KANSL1: variants seen among roughly 807,000 people sequenced by gnomAD.
The protein encoded by KANSL1 is MLL1/MLL complex subunit KANSL1.
A neutral mutation model predicts 103.6 loss-of-function variants in KANSL1; 22 were observed. That is an observed-to-expected ratio of 0.21 (90% CI 0.15 to 0.30). The LOEUF (loss-of-function observed/expected upper bound fraction) is 0.30. Ranked by LOEUF, KANSL1 falls within the 10% of genes least tolerant of loss-of-function variation. The probability of loss-of-function intolerance (pLI) is 1.00; values close to 1 mark genes in which losing one functional copy is unlikely to be tolerated. For missense variants in KANSL1, 1,337 were observed against 1,399.8 expected (o/e 0.96, Z 0.72); for synonymous variants, 600 against 527.6 (o/e 1.14, Z -1.88).
At chr17:46,122,565 C>T (rs2043328284) in intron 2 of KANSL1, among the ~76,000 whole-genome samples, 1 of 152,116 alleles carries the variant, frequency 6.6e-6, no homozygotes, top group South Asian at 2.1e-4. Context: ...GTAATCTAAC[C>T]TCATCAAGCA....
chr17:46,138,520 T>A (rs1484217142), intron 2 of KANSL1, among the ~76,000 whole-genome samples: 3 of 152,334 alleles, frequency 2.0e-5, no homozygotes, highest in South Asian at 2.1e-4. Context: ...ACTGTCAGAT[T>A]TGGTATCCAC....
chr17:46,071,189 C>A (rs180717057), intron 4 of KANSL1, among the ~76,000 whole-genome samples: 13 of 152,172 alleles, frequency 8.5e-5, no homozygotes, highest in Admixed American at 4.6e-4. Flanking sequence ...AAATTGAAGT[C>A]AACAGGCAAC....
intron 1 of KANSL1, among the ~76,000 whole-genome samples, chr17:46,189,376 A>T (rs2047198900): frequency 1.3e-5 from 2 of 152,270 alleles, no homozygotes; most frequent in South Asian, 4.1e-4. Flanking sequence ...GGGGGTGGAG[A>T]GGGACAATAA....
intron 2 of KANSL1, among the ~76,000 whole-genome samples, chr17:46,149,286 C>G (rs1272233001): frequency 6.6e-6 from 1 of 152,248 alleles, no homozygotes; most frequent in Non-Finnish European, 1.5e-5. Context: ...CAGGCGTAAG[C>G]CACTGCGCCC....
At chr17:46,037,714 G>GT (rs1453193848) in intron 10 of KANSL1, 8 of 152,220 alleles carry the variant, frequency 5.3e-5, no homozygotes, top group Non-Finnish European at 7.3e-5. Flanking sequence ...CTGGTATGTA[G>GT]TAAGTGTTCA....
chr17:46,203,793 G>GA (rs148606226), intron 1 of KANSL1, among the ~76,000 whole-genome samples: 17,181 of 150,120 alleles, frequency 0.11, no homozygotes, highest in Non-Finnish European at 0.17. Context: ...AAAACTAGGA[G>GA]AAAAAATCCA....
chr17:46,167,814 A>G (rs1352208332), intron 2 of KANSL1, among the ~76,000 whole-genome samples: 1 of 152,286 alleles, frequency 6.6e-6, no homozygotes, highest in Non-Finnish European at 1.5e-5. Context: ...AGCATGTACC[A>G]ACGACACAGA....
rs779421348 is a variant in KANSL1, at chr17:46,171,299, G to C, written c.845C>G (p.Thr282Arg). Residue 282 changes from threonine to arginine, a missense_variant, in exon 2 of 15, where the codon ACA (threonine) becomes AGA (arginine). Transcript: ENST00000432791. ...TCGCCGCAGTAAAGCTGTTATCCTT[G>C]TGTCAGAATCTAAAGCACTGAAAAG... ...SILFSALDSDTRITALLRRQA... is the reference protein window; with the variant it reads ...SILFSALDSDRRITALLRRQA... 3 of 1,614,146 alleles carry C rather than the reference G, an allele frequency of 1.9e-6. No individual in the cohort carries two copies. The highest frequency in any genetic ancestry group is 2.5e-6 in the Non-Finnish European group (3 of 1,180,046).
At position 46,030,032 on chromosome 17, in the gene KANSL1, A is replaced by G. The variant is rs1280305941; in HGVS notation, c.*1444T>C. 1 of 152,500 alleles carries G rather than the reference A, an allele frequency of 6.6e-6. No individual in the cohort carries two copies. Among genetic ancestry groups the G allele is most frequent in the Non-Finnish European group, 1.5e-5 (1 of 68,016 alleles). 9.4% of individuals were successfully genotyped at this position (152,500 alleles called of 1,614,324 possible). A position where few individuals can be genotyped will look rare whatever the true frequency, so the allele number is the denominator to read the frequency against. On this transcript the variant is annotated 3_prime_UTR_variant, in exon 15 of 15. Transcript: ENST00000432791. ...AACAAAGATCAGCTTCTCTGAAGAA[A>G]AGCATTTCTATAGAACAAAGACAGC... is the stretch of plus-strand genomic sequence containing the variant.
rs1201057168 is a variant in KANSL1, at chr17:46,031,390, CAT to C, written c.*84_*85del. 8.8e-6 allele frequency: 11 copies of C among 1,247,106 alleles called. No homozygotes were observed. Among genetic ancestry groups the C allele is most frequent in the Non-Finnish European group, 1.1e-5 (10 of 905,310 alleles). The allele number at this position is 1,247,106 out of a possible 1,614,324, so 77.3% of individuals were successfully genotyped here. On this transcript the variant is annotated 3_prime_UTR_variant, in exon 15 of 15. Coordinates refer to ENST00000432791, the MANE Select transcript of KANSL1 (RefSeq NM_015443.4). ...CACTAAAAACTGTGAAAATTTCCGGCATATGATGTTTGAATATCAAACGCAGA... is the reference window on the plus strand; with the variant it reads ...CACTAAAAACTGTGAAAATTTCCGGCATGATGTTTGAATATCAAACGCAGA...
intron 1 of KANSL1, among the ~76,000 whole-genome samples, chr17:46,192,232 C>G (rs1013730514): frequency 1.3e-5 from 2 of 151,992 alleles, no homozygotes; most frequent in Admixed American, 6.5e-5. Flanking sequence ...AGACCGTCAG[C>G]CGGAAAACAG....
At chr17:46,052,814 A>AAT (rs1555739594) in intron 6 of KANSL1, among the ~76,000 whole-genome samples, 1 of 142,300 alleles carries the variant, frequency 7.0e-6, no homozygotes, top group African/African-American at 2.5e-5. Context: ...AAAAAAAAAA[A>AAT]TTTAGCCCAG....
At chr17:46,119,933 AT>A (rs1387358068) in intron 2 of KANSL1, 3 of 152,258 alleles carry the variant, frequency 2.0e-5, no homozygotes, top group African/African-American at 7.2e-5. Flanking sequence ...AGGCCAGCTT[AT>A]TTAACATCAA....
At chr17:46,059,647 A>AAG (rs56065215) in intron 6 of KANSL1, among the ~76,000 whole-genome samples, 90 of 54,870 alleles carry the variant, frequency 1.6e-3, no homozygotes, top group African/African-American at 4.4e-3. Context: ...AAAAAAAAAA[A>AAG]AGAGAGAGAG....
rs898214714 is a variant in KANSL1 at position 46,191,942 on chromosome 17, C to T, written c.-90+881G>A. 2.7e-5 allele frequency among the ~76,000 whole-genome samples: 4 copies of T among 146,724 alleles called. No homozygotes were observed. In the Admixed American group the frequency reaches 2.8e-4, roughly 10 times the overall value. The stretch of plus-strand genomic sequence containing the variant: ...CCCCTACGAGTTGTGCTTCTAACAC[C>T]CTCAAGTACAGTTTTATTAATAAGT... On this transcript the variant is annotated intron_variant, in intron 1 of 14. Transcript: ENST00000432791.
chr17:46,058,755 T>A (rs1275452091), intron 6 of KANSL1, among the ~76,000 whole-genome samples: 1,808 of 39,630 alleles, frequency 0.046, 24 homozygotes, highest in African/African-American at 0.08. Context: ...TCTCTCTCTC[T>A]CTCTCTCTCT....
intron 2 of KANSL1, among the ~76,000 whole-genome samples, chr17:46,106,763 G>T (rs574934147): frequency 1.9e-4 from 29 of 152,280 alleles, no homozygotes; most frequent in African/African-American, 6.7e-4. Flanking sequence ...TCAAGAAAAT[G>T]AGTTGAACCA....
intron 1 of KANSL1, among the ~76,000 whole-genome samples, chr17:46,182,386 T>G (rs1451991724): frequency 2.0e-5 from 3 of 152,230 alleles, no homozygotes; most frequent in Admixed American, 1.3e-4. Flanking sequence ...TACTGCAAGC[T>G]ACATTATGGA....
At chr17:46,084,090 T>C (rs1285614442) in intron 3 of KANSL1, among the ~76,000 whole-genome samples, 1 of 146,874 alleles carries the variant, frequency 6.8e-6, no homozygotes, top group Non-Finnish European at 1.5e-5. Context: ...CAAAAATGAA[T>C]TGGAGGGTCC....
Sources: allele counts gnomAD v4.1 joint callset (sites outside exome capture counted in the v4.1 genomes callset), GRCh38; gene constraint gnomAD v4.1.1; transcripts MANE v1.5; gene names NCBI Gene and HGNC (gene_info 2026-07-23, HGNC 2026-07-21).